The following TRAPPC10 variants were observed in gnomAD, a reference collection of about 807,000 sequenced individuals.
TRAPPC10 encodes the protein TRAPP 130 kDa subunit.
In TRAPPC10, 23 loss-of-function variants were observed where a neutral mutation model predicts 125.5. The observed-to-expected ratio is 0.18, with a 90% CI of 0.13 to 0.26. TRAPPC10 has a LOEUF of 0.26. Among genes scored for constraint, TRAPPC10 ranks in the 10% least tolerant of loss-of-function variants. The pLI is 1.00. For missense variants in TRAPPC10, 1,123 were observed against 1,308.4 expected (o/e 0.86, Z 2.19); for synonymous variants, 509 against 518.0 (o/e 0.98, Z 0.24).
At chr21:44,046,506 G>A in intron 3 of TRAPPC10, 1 of 148,616 alleles carries the variant, frequency 6.7e-6, no homozygotes. Context: ...TTACCTTTAA[G>A]TTTTTTTTTT....
At chr21:44,067,898 G>C (rs569188590) in intron 7 of TRAPPC10, among the ~76,000 whole-genome samples, 2 of 152,100 alleles carry the variant, frequency 1.3e-5, no homozygotes, top group Non-Finnish European at 2.9e-5. Context: ...GAGGTGGGCG[G>C]ATCATGAGGT....
intron 7 of TRAPPC10, among the ~76,000 whole-genome samples, chr21:44,069,346 A>G (rs1051317115): frequency 1.3e-5 from 2 of 152,208 alleles, no homozygotes; most frequent in Non-Finnish European, 2.9e-5. Context: ...AAGACTGACA[A>G]ACCAGTAGAA....
At chr21:44,013,384 C>G (rs2031401979) in intron 1 of TRAPPC10, among the ~76,000 whole-genome samples, 1 of 152,218 alleles carries the variant, frequency 6.6e-6, no homozygotes, top group Non-Finnish European at 1.5e-5. Context: ...TTTTAGGTGA[C>G]TTGCAGAGAG....
intron 13 of TRAPPC10, among the ~76,000 whole-genome samples, chr21:44,081,906 T>C (rs912688694): frequency 6.6e-6 from 1 of 151,884 alleles, no homozygotes; most frequent in Admixed American, 6.6e-5. Context: ...AAAAGATCCA[T>C]GTGGGTGGGT....
intron 1 of TRAPPC10, among the ~76,000 whole-genome samples, chr21:44,018,690 T>G (rs1002977163): frequency 4.5e-5 from 6 of 133,768 alleles, no homozygotes; most frequent in African/African-American, 1.7e-4. Context: ...AGACTCCGTC[T>G]CAAAAAAAAA....
intron 2 of TRAPPC10, among the ~76,000 whole-genome samples, chr21:44,034,146 T>C (rs2033801694): frequency 6.6e-6 from 1 of 152,068 alleles, no homozygotes; most frequent in Non-Finnish European, 1.5e-5. Context: ...GTTCAATCCC[T>C]TGTGTCTTGT....
At chr21:44,065,689 C>CTTG (rs2036396313) in intron 7 of TRAPPC10, among the ~76,000 whole-genome samples, 1 of 152,144 alleles carries the variant, frequency 6.6e-6, no homozygotes, top group Admixed American at 6.5e-5. Context: ...CTGTGCCTGT[C>CTTG]GGCTTCCCAG....
In TRAPPC10 at chr21:44,076,573, A is replaced by T. The variant is rs765903185; in HGVS notation, c.1322A>T (p.Tyr441Phe). The T allele has an allele frequency of 2.1e-5, 34 of 1,614,024 alleles. No homozygotes were observed. Among genetic ancestry groups the T allele is most frequent in the Non-Finnish European group, 2.8e-5 (33 of 1,180,004 alleles). Reference sequence around the variant, plus strand: ...TAAGCCAACACAGCTCAGAGTCCTTATAAGAAACTGAAAGAAGCATTATCG... The same window carrying T: ...TAAGCCAACACAGCTCAGAGTCCTTTTAAGAAACTGAAAGAAGCATTATCG... The part of the protein sequence containing the change: ...PETANTAQSP[Y>F]KKLKEALSSV... The change falls in exon 10 of 23, where the codon TAT becomes TTT. Residue 441 changes from tyrosine (Y) to phenylalanine (F), a missense_variant. Around this residue, in one of 4 missense-constraint regions of TRAPPC10, gnomAD observed 840 missense variants for 902.0 expected, o/e 0.93. Transcript: ENST00000291574.
intron 1 of TRAPPC10, among the ~76,000 whole-genome samples, chr21:44,015,439 A>G (rs2031713149): frequency 1.3e-5 from 2 of 152,044 alleles, no homozygotes; most frequent in Admixed American, 6.6e-5. Context: ...TTTTTTAGAG[A>G]TGGGGTCTCG....
chr21:44,087,013 G>A lies in TRAPPC10; in HGVS notation c.2539+53G>A, dbSNP rs570246140. ...GAGGATGCCCACCTTGCCCTGCACT[G>A]TGTGGGTGTGAGGGTGAGCCTGGCC... On this transcript the variant is annotated intron_variant, in intron 16 of 22. Transcript: ENST00000291574. This position sits in a 1 kb window ranked among gnomAD's most constrained non-coding sequence, Gnocchi z 4.6. The A allele has an allele frequency of 1.0e-5, 16 of 1,591,630 alleles. No individual in the cohort carries two copies. In the African/African-American group the frequency reaches 1.7e-4, roughly 17 times the overall value.
intron 6 of TRAPPC10, among the ~76,000 whole-genome samples, chr21:44,061,219 C>T (rs1486176711): frequency 6.6e-6 from 1 of 152,176 alleles, no homozygotes; most frequent in East Asian, 1.9e-4. Context: ...TCACTGCAAC[C>T]TCCGCCTCCC....
chr21:44,049,452 G>A (rs887292609), intron 3 of TRAPPC10, among the ~76,000 whole-genome samples: 2 of 152,212 alleles, frequency 1.3e-5, no homozygotes, highest in African/African-American at 4.8e-5. Flanking sequence ...TTGCCTGGCA[G>A]TGTGCCTGGC....
chr21:44,013,742 A>G (rs1451162277), intron 1 of TRAPPC10, among the ~76,000 whole-genome samples: 1 of 151,926 alleles, frequency 6.6e-6, no homozygotes, highest in Non-Finnish European at 1.5e-5. Context: ...TTTTTTCTAC[A>G]GAGACCTAGA....
chr21:44,049,736 T>G (rs1228762851), intron 3 of TRAPPC10, among the ~76,000 whole-genome samples: 1 of 152,220 alleles, frequency 6.6e-6, no homozygotes, highest in African/African-American at 2.4e-5. Context: ...TTGCCCACCT[T>G]GGGCCCTGAT....
chr21:44,059,127 A>G lies in TRAPPC10; in HGVS notation c.703A>G (p.Met235Val). 1 of 1,598,636 alleles carries G rather than the reference A, an allele frequency of 6.3e-7. No individual in the cohort carries two copies. The highest frequency in any genetic ancestry group is 8.5e-7 in the Non-Finnish European group (1 of 1,174,040). ...GGAGGAGCTTGCCTTTGTTTTCGAG[A>G]TGCTGCAGCAGTTCGAGGACGCCCT... ...VQEELAFVFE[M>V]LQQFEDALVQ... is the part of the protein sequence containing the mutation. The change falls in exon 6 of 23, where the codon ATG becomes GTG. Residue 235 changes from methionine (M) to valine (V), a missense_variant. By Grantham distance (21) the Met-to-Val change is conservative. Coordinates refer to ENST00000291574, the MANE Select transcript of TRAPPC10 (RefSeq NM_003274.5). This position sits in a 1 kb window ranked among gnomAD's most constrained non-coding sequence, Gnocchi z 4.4.
Position 44,055,834 on chromosome 21 carries a change from A to G in TRAPPC10, c.619A>G (p.Thr207Ala), listed in dbSNP as rs1335783679. ...NLGKFEDDMR[T>A]LREKRTEPGW... ...AGGCAAGTTTGAGGATGACATGAGAACCTTGAGGGAGAAGAGGACTGAGCC... is the reference window on the plus strand; with the variant it reads ...AGGCAAGTTTGAGGATGACATGAGAGCCTTGAGGGAGAAGAGGACTGAGCC... Residue 207 changes from threonine (T) to alanine (A), a missense_variant, in exon 5 of 23, where the codon ACC becomes GCC. Physicochemically the swap from Thr to Ala is moderately conservative, Grantham distance 58 (BLOSUM62 0). Around this residue, in one of 4 missense-constraint regions of TRAPPC10, gnomAD observed 15 missense variants for 50.3 expected, o/e 0.30. Coordinates refer to ENST00000291574, the MANE Select transcript of TRAPPC10 (RefSeq NM_003274.5). 6.2e-7 allele frequency: 1 copy of G among 1,613,500 alleles called. No individual in the cohort carries two copies. Among genetic ancestry groups the G allele is most frequent in the Non-Finnish European group, 8.5e-7 (1 of 1,179,490 alleles).
intron 19 of TRAPPC10, among the ~76,000 whole-genome samples, chr21:44,093,148 A>G (rs1047323340): frequency 6.6e-6 from 1 of 152,176 alleles, no homozygotes; most frequent in Admixed American, 6.5e-5. Context: ...TTGGAGCTGC[A>G]TGGGATATGC....
chr21:44,076,407 A>T, intron 9 of TRAPPC10, 145 bp from the exon 10 acceptor site: 1 of 614,954 alleles, frequency 1.6e-6, no homozygotes, highest in Non-Finnish European at 2.9e-6. Flanking sequence ...GTACATAATC[A>T]TGTAGTTTCC....
chr21:44,062,235 T>A (rs1238081235), intron 6 of TRAPPC10, among the ~76,000 whole-genome samples: 2 of 152,258 alleles, frequency 1.3e-5, no homozygotes, highest in Non-Finnish European at 2.9e-5. Flanking sequence ...TTCGTTTTTG[T>A]TCTTTCATTC....
Sources: gnomAD v4.1 joint callset for allele counts (sites outside exome capture counted in the v4.1 genomes callset) on GRCh38, gnomAD v4.1.1 for gene constraint, gnomAD v4.1.1 regional missense constraint, Gnocchi (gnomAD v3.1) non-coding constraint, MANE v1.5 for transcripts, NCBI Gene and HGNC (gene_info 2026-07-23, HGNC 2026-07-21) for gene names.